Variants in KLHL20 observed in about 807,000 individuals in gnomAD.
KLHL20 encodes kelch-like protein 20.
Under a neutral mutation model 69.5 loss-of-function variants are expected in KLHL20, and 29 were observed. That is an observed-to-expected ratio of 0.42 (90% CI 0.31 to 0.57). KLHL20 has a LOEUF of 0.57. Among genes scored for constraint, KLHL20 ranks in the 20% least tolerant of loss-of-function variants. The probability of loss-of-function intolerance (pLI) is 0.18; values close to 1 mark genes in which losing one functional copy is unlikely to be tolerated. For missense variants in KLHL20, 419 were observed against 776.0 expected (o/e 0.54, Z 5.47); for synonymous variants, 253 against 265.2 (o/e 0.95, Z 0.45).
chr1:173,716,161 TCTG>T, intron 2 of KLHL20, 95 bp downstream of exon 2: 2 of 1,206,712 alleles, frequency 1.7e-6, no homozygotes, highest in Non-Finnish European at 2.4e-6. Flanking sequence ...CTTACTAAAT[TCTG>T]CTTGGAACTA....
At chr1:173,718,964 G>A (rs1571842284) in intron 2 of KLHL20, among the ~76,000 whole-genome samples, 2 of 152,052 alleles carry the variant, frequency 1.3e-5, no homozygotes, top group East Asian at 3.9e-4. Flanking sequence ...AATTAGCCGG[G>A]TGCGGTGGCG....
intron 7 of KLHL20, among the ~76,000 whole-genome samples, chr1:173,762,891 G>A (rs1355366703): frequency 6.6e-6 from 1 of 152,160 alleles, no homozygotes; most frequent in African/African-American, 2.4e-5. Flanking sequence ...TCAGACAAGA[G>A]AAAGAAATAA....
intron 7 of KLHL20, among the ~76,000 whole-genome samples, chr1:173,761,581 G>T (rs991832384): frequency 6.6e-6 from 1 of 152,060 alleles, no homozygotes; most frequent in African/African-American, 2.4e-5. Context: ...ACTCCAAAAG[G>T]AACCTTCAAA....
chr1:173,769,546 TG>T (rs1161557095), intron 8 of KLHL20, among the ~76,000 whole-genome samples: 5 of 152,102 alleles, frequency 3.3e-5, no homozygotes, highest in Non-Finnish European at 7.4e-5. Flanking sequence ...CCCAACACTT[TG>T]GGAGGCCTAG....
intron 3 of KLHL20, among the ~76,000 whole-genome samples, chr1:173,740,882 A>G (rs1274539770): frequency 6.6e-6 from 1 of 151,822 alleles, no homozygotes; most frequent in African/African-American, 2.4e-5. Context: ...TTACCTGGAA[A>G]TCTCCTTCTT....
intron 6 of KLHL20, 77 bp from the exon 7 acceptor site, chr1:173,756,899 A>C (rs1673574134): frequency 7.2e-7 from 1 of 1,382,808 alleles, no homozygotes; most frequent in East Asian, 2.3e-5. Context: ...GCATTAGGTC[A>C]CAGTGAAGTT....
At chr1:173,730,622 G>A (rs1004219960) in intron 2 of KLHL20, among the ~76,000 whole-genome samples, 3 of 152,150 alleles carry the variant, frequency 2.0e-5, no homozygotes, top group African/African-American at 7.2e-5. Context: ...AATGGGGAAA[G>A]GATTCCCTAT....
In KLHL20 at chr1:173,751,785, A is replaced by C; in HGVS notation, c.619A>C (p.Met207Leu). Reference protein sequence around the residue: ...FQEVMESEEFMLLPANQLIDI... With the variant: ...FQEVMESEEFLLLPANQLIDI... ...ACAGGTAATGGAGAGTGAAGAGTTCATGTTGCTTCCAGCCAATCAACTCAT... is the reference window on the plus strand; with the variant it reads ...ACAGGTAATGGAGAGTGAAGAGTTCCTGTTGCTTCCAGCCAATCAACTCAT... The change falls in exon 4 of 12, where the codon ATG becomes CTG. Residue 207 changes from methionine to leucine, a missense_variant. Met to Leu is a conservative substitution (Grantham distance 15). Coordinates refer to ENST00000209884, the MANE Select transcript of KLHL20 (RefSeq NM_014458.4). 1.2e-6 allele frequency: 2 copies of C among 1,614,128 alleles called. No individual in the cohort carries two copies. Among genetic ancestry groups the C allele is most frequent in the Non-Finnish European group, 1.7e-6 (2 of 1,180,002 alleles).
chr1:173,753,455 C>A, intron 5 of KLHL20, 148 bp downstream of exon 5: 1 of 625,432 alleles, frequency 1.6e-6, no homozygotes, highest in Non-Finnish European at 2.8e-6. Flanking sequence ...GGGCTAGAGT[C>A]AAGAGGAGGA....
At chr1:173,739,163 C>G (rs1011615896) in intron 3 of KLHL20, among the ~76,000 whole-genome samples, 2 of 152,114 alleles carry the variant, frequency 1.3e-5, no homozygotes, top group African/African-American at 4.8e-5. Context: ...ACCTCCACCT[C>G]CCACATTCAA....
At chr1:173,767,132 A>G (rs551771780) in intron 8 of KLHL20, among the ~76,000 whole-genome samples, 5 of 152,272 alleles carry the variant, frequency 3.3e-5, no homozygotes, top group African/African-American at 1.2e-4. Flanking sequence ...GATTCCTCAT[A>G]TAAGTGAGAT....
intron 2 of KLHL20, among the ~76,000 whole-genome samples, chr1:173,725,120 T>C (rs61826814): frequency 6.6e-6 from 1 of 152,038 alleles, no homozygotes; most frequent in Non-Finnish European, 1.5e-5. Context: ...TCTTGGGCTT[T>C]TAAAAATAGT....
chr1:173,731,010 G>A (rs77632342), intron 2 of KLHL20, among the ~76,000 whole-genome samples: 52,328 of 151,802 alleles, frequency 0.34, 9,867 homozygotes, highest in African/African-American at 0.51. Flanking sequence ...CAATGAACTC[G>A]AACAAATTTA....
rs546423035 is a variant in KLHL20, at chr1:173,765,469, C to T, written c.1152-677C>T. On this transcript the variant is annotated intron_variant, in intron 7 of 11. Transcript: ENST00000209884. ...AGTGAGCCAAGATCGTGCCACTGTACTCCAGCCTGCGCAACAGAGCGAGAC... is the reference window on the plus strand; with the variant it reads ...AGTGAGCCAAGATCGTGCCACTGTATTCCAGCCTGCGCAACAGAGCGAGAC... Among the ~76,000 whole-genome samples, 27 of 151,888 alleles carry T rather than the reference C, an allele frequency of 1.8e-4. No homozygotes were observed. The South Asian group carries it at 5.6e-3, about 32-fold the overall frequency.
chr1:173,770,712 CAA>C (rs926431215), intron 8 of KLHL20, among the ~76,000 whole-genome samples: 18 of 139,438 alleles, frequency 1.3e-4, no homozygotes, highest in East Asian at 8.5e-4. Flanking sequence ...AAAAAAAAAA[CAA>C]GAGATACCAT....
At chr1:173,726,758 T>A (rs1229447465) in intron 2 of KLHL20, among the ~76,000 whole-genome samples, 1 of 151,984 alleles carries the variant, frequency 6.6e-6, no homozygotes, top group Non-Finnish European at 1.5e-5. Context: ...TACGTCACCA[T>A]CATCAAAGAC....
chr1:173,722,674 T>A (rs1212885162), intron 2 of KLHL20, among the ~76,000 whole-genome samples: 5 of 147,014 alleles, frequency 3.4e-5, no homozygotes, highest in Non-Finnish European at 5.9e-5. Flanking sequence ...CATTATTTTT[T>A]TTTGCTATGG....
At chr1:173,748,409 A>G (rs1476173638) in intron 3 of KLHL20, among the ~76,000 whole-genome samples, 1 of 152,168 alleles carries the variant, frequency 6.6e-6, no homozygotes, top group Admixed American at 6.5e-5. Context: ...TAATTCCAAC[A>G]AAGTATAAAA....
chr1:173,776,801 C>T (rs1648503224), intron 10 of KLHL20, among the ~76,000 whole-genome samples: 2 of 152,168 alleles, frequency 1.3e-5, no homozygotes, highest in Admixed American at 6.5e-5. Context: ...ATTCTAGTCT[C>T]ATACCGTTTT....
Sources: allele counts gnomAD v4.1 joint callset (sites outside exome capture counted in the v4.1 genomes callset), GRCh38; gene constraint gnomAD v4.1.1; transcripts MANE v1.5; gene names NCBI Gene and HGNC (gene_info 2026-07-23, HGNC 2026-07-21).